The following ZNF730 variants were observed in gnomAD, a reference collection of about 807,000 sequenced individuals.
ZNF730 encodes putative zinc finger protein 730.
Under a neutral mutation model 12.6 loss-of-function variants are expected in ZNF730, and 12 were observed. The observed-to-expected ratio is 0.95, with a 90% CI of 0.61 to 1.54. The LOEUF (loss-of-function observed/expected upper bound fraction) is 1.54, where lower values mean the gene tolerates loss of function less well. Among genes scored for constraint, ZNF730 ranks in the 40% most tolerant of loss-of-function variants. The pLI is 0.00. For missense variants in ZNF730, 643 were observed against 583.5 expected (o/e 1.10, Z -1.05); for synonymous variants, 194 against 195.8 (o/e 0.99, Z 0.08).
chr19:23,093,058 T>G (rs1330093864), intron 1 of ZNF730, among the ~76,000 whole-genome samples: 1 of 152,188 alleles, frequency 6.6e-6, no homozygotes, highest in Non-Finnish European at 1.5e-5. Flanking sequence ...TGGTGTGATT[T>G]CAGCTCACTG....
chr19:23,091,123 G>A (rs755609451), intron 1 of ZNF730, among the ~76,000 whole-genome samples: 5 of 152,226 alleles, frequency 3.3e-5, no homozygotes, highest in Non-Finnish European at 5.9e-5. Flanking sequence ...GCTGAAAGGG[G>A]CCAATGTACA....
intron 3 of ZNF730, among the ~76,000 whole-genome samples, chr19:23,142,500 G>A (rs1440119270): frequency 6.6e-6 from 1 of 151,974 alleles, no homozygotes; most frequent in East Asian, 1.9e-4. Context: ...TGGCTAACAC[G>A]GAGAAATCCC....
intron 1 of ZNF730, among the ~76,000 whole-genome samples, chr19:23,100,779 CT>C (rs1362988735): frequency 6.6e-6 from 1 of 151,806 alleles, no homozygotes; most frequent in East Asian, 1.9e-4. Context: ...CCTCATCCCC[CT>C]GAGTAGCTGT....
In ZNF730 at chr19:23,117,298, T is replaced by C. The variant is rs1326803462; in HGVS notation, c.3+122T>C. On this transcript the variant is annotated intron_variant, in intron 1 of 3. Coordinates refer to ENST00000597761, the MANE Select transcript of ZNF730 (RefSeq NM_001277403.2). Reference sequence around the variant, plus strand: ...CTTCACAATCTGCGCCCAGAGTTCTTGCCCAGCTCGGCCTCAGTCCCCTTC... The same window carrying C: ...CTTCACAATCTGCGCCCAGAGTTCTCGCCCAGCTCGGCCTCAGTCCCCTTC... 4.5e-6 allele frequency: 7 copies of C among 1,569,800 alleles called. No homozygotes were observed. The African/African-American group carries it at 6.8e-5, about 15-fold the overall frequency.
intron 1 of ZNF730, among the ~76,000 whole-genome samples, chr19:23,100,866 G>A (rs1263746402): frequency 1.3e-5 from 2 of 152,044 alleles, no homozygotes; most frequent in Non-Finnish European, 2.9e-5. Flanking sequence ...ATGTTGGCCA[G>A]GCTGGTCTCG....
intron 1 of ZNF730, among the ~76,000 whole-genome samples, chr19:23,107,174 T>C (rs539803085): frequency 2.6e-4 from 39 of 151,418 alleles, no homozygotes; most frequent in African/African-American, 9.4e-4. Context: ...GTGATTTTCA[T>C]GTTTGAGCCT....
intron 1 of ZNF730, chr19:23,126,728 C>G: frequency 2.1e-6 from 1 of 467,978 alleles, no homozygotes; most frequent in South Asian, 1.7e-5. Context: ...GTTTTGCAGA[C>G]TGAGATTTTT....
intron 1 of ZNF730, among the ~76,000 whole-genome samples, chr19:23,090,448 G>A (rs1286227490): frequency 6.6e-6 from 1 of 152,136 alleles, no homozygotes; most frequent in Non-Finnish European, 1.5e-5. Flanking sequence ...CATTCAAGAG[G>A]TGACTTGGGT....
chr19:23,129,124 G>C (rs920928376), intron 1 of ZNF730, among the ~76,000 whole-genome samples: 95 of 152,336 alleles, frequency 6.2e-4, no homozygotes, highest in East Asian at 1.2e-3. Flanking sequence ...GAAGTTTGCA[G>C]CAGGGGTGAA....
In ZNF730 at chr19:23,133,972, C is replaced by A; in HGVS notation, c.4-108C>A. 2.3e-6 allele frequency: 3 copies of A among 1,331,610 alleles called. No homozygotes were observed. In the South Asian group the frequency reaches 4.1e-5, roughly 18 times the overall value. 82.5% of individuals were successfully genotyped at this position (1,331,610 alleles called of 1,614,324 possible). On this transcript the variant is annotated intron_variant, in intron 1 of 3. Coordinates refer to ENST00000597761, the MANE Select transcript of ZNF730 (RefSeq NM_001277403.2). Reference sequence around the variant, plus strand: ...AAGGTTATTAGATAATTTCAGTCACCCCTATAAGTAAGACCCAATTATATT... The same window carrying A: ...AAGGTTATTAGATAATTTCAGTCACACCTATAAGTAAGACCCAATTATATT...
chr19:23,084,015 T>G (rs1253947718), intron 1 of ZNF730, among the ~76,000 whole-genome samples: 2 of 152,174 alleles, frequency 1.3e-5, no homozygotes, highest in Non-Finnish European at 2.9e-5. Flanking sequence ...TTTAAAACAT[T>G]TTTTCTATGT....
chr19:23,110,357 A>G, intron 1 of ZNF730, among the ~76,000 whole-genome samples: 1 of 140,010 alleles, frequency 7.1e-6, no homozygotes, highest in Non-Finnish European at 1.5e-5. Flanking sequence ...GCTCACAGCA[A>G]CCTCCACCTC....
chr19:23,119,796 A>G (rs537197683), intron 1 of ZNF730, among the ~76,000 whole-genome samples: 2 of 152,292 alleles, frequency 1.3e-5, no homozygotes, highest in East Asian at 1.9e-4. Context: ...CAGCCTGGCG[A>G]CAGAATGAGA....
At chr19:23,095,365 A>G (rs1970231375) in intron 1 of ZNF730, 1 of 398,376 alleles carries the variant, frequency 2.5e-6, no homozygotes, top group Admixed American at 4.4e-5. Flanking sequence ...GGGTCCAACA[A>G]CTGGTTGATG....
chr19:23,107,541 C>T (rs1429195649), intron 1 of ZNF730, among the ~76,000 whole-genome samples: 2 of 147,570 alleles, frequency 1.4e-5, no homozygotes, highest in Non-Finnish European at 3.0e-5. Flanking sequence ...GTTGCCCAAG[C>T]TCGTCTTGAA....
chr19:23,110,937 A>G (rs906140057), intron 1 of ZNF730, among the ~76,000 whole-genome samples: 2 of 152,216 alleles, frequency 1.3e-5, no homozygotes, highest in African/African-American at 2.4e-5. Flanking sequence ...CAAATTACCT[A>G]TGATAACCCC....
In ZNF730 at chr19:23,145,313, G is replaced by A. The variant is rs760616927; in HGVS notation, c.269G>A (p.Gly90Asp). The change falls in exon 4 of 4, where the codon GGC becomes GAC. Residue 90 changes from glycine (G) to aspartate (D), a missense_variant. Gly to Asp is a moderately conservative substitution (Grantham distance 94). Coordinates refer to ENST00000597761, the MANE Select transcript of ZNF730 (RefSeq NM_001277403.2). ...GCCCAAGACCTTTGGCCAGAGCAAG[G>A]CATAAAAGATTATTTCCAAGAAGTC... ...HIAQDLWPEQ[G>D]IKDYFQEVIL... 2 of 1,584,236 alleles carry A rather than the reference G, an allele frequency of 1.3e-6. No homozygotes were observed. The highest frequency in any genetic ancestry group is 1.7e-6 in the Non-Finnish European group (2 of 1,168,136).
intron 1 of ZNF730, among the ~76,000 whole-genome samples, chr19:23,130,002 A>G (rs1362282757): frequency 6.6e-6 from 1 of 151,682 alleles, no homozygotes; most frequent in East Asian, 1.9e-4. Flanking sequence ...TCAAAAAAAA[A>G]AAAAAAAAGA....
chr19:23,117,046 C>T lies in ZNF730; in HGVS notation c.-128C>T. Reference sequence around the variant, plus strand: ...CGCGGCCTTTGTTTCTCGCTGCCGCCGAAGCTCCAATTTTCGTCTGTCTGC... The same window carrying T: ...CGCGGCCTTTGTTTCTCGCTGCCGCTGAAGCTCCAATTTTCGTCTGTCTGC... On this transcript the variant is annotated 5_prime_UTR_variant, in exon 1 of 4. Coordinates refer to ENST00000597761, the MANE Select transcript of ZNF730 (RefSeq NM_001277403.2). The T allele has an allele frequency of 6.7e-7, 1 of 1,503,374 alleles. No individual in the cohort carries two copies. Among genetic ancestry groups the T allele is most frequent in the South Asian group, 1.2e-5 (1 of 83,322 alleles). 93.1% of individuals were successfully genotyped at this position (1,503,374 alleles called of 1,614,324 possible).
Sources: allele counts gnomAD v4.1 joint callset (sites outside exome capture counted in the v4.1 genomes callset), GRCh38; gene constraint gnomAD v4.1.1; transcripts MANE v1.5; gene names NCBI Gene and HGNC (gene_info 2026-07-23, HGNC 2026-07-21).